The following HDAC9 variants were observed in gnomAD, a reference collection of about 807,000 sequenced individuals.
HDAC9 encodes MEF-2 interacting transcription repressor (MITR) protein.
A neutral mutation model predicts 139.4 loss-of-function variants in HDAC9; 41 were observed. The ratio of observed to expected loss-of-function variants is 0.29; its 90% CI spans 0.23 to 0.38. The LOEUF (loss-of-function observed/expected upper bound fraction) is 0.38. HDAC9 is among the 10% of genes least tolerant of loss of function. HDAC9 has a pLI of 1.00. For synonymous variants in HDAC9, 517 were observed against 476.2 expected (o/e 1.09, Z -1.12); for missense variants, 1,147 against 1,297.0 (o/e 0.88, Z 1.78).
intron 23 of HDAC9, among the ~76,000 whole-genome samples, chr7:18,944,100 C>G (rs1782207059): frequency 6.6e-6 from 1 of 152,156 alleles, no homozygotes; most frequent in Non-Finnish European, 1.5e-5. Context: ...ACATACACAA[C>G]TAATTGCAGA....
chr7:18,443,910 T>C (rs946230084), intron 1 of HDAC9, among the ~76,000 whole-genome samples: 1 of 151,760 alleles, frequency 6.6e-6, no homozygotes, highest in African/African-American at 2.4e-5. Flanking sequence ...TGTATAAACA[T>C]ACATTTGTAT....
At chr7:18,478,850 T>C (rs369065844) in intron 1 of HDAC9, among the ~76,000 whole-genome samples, 2 of 152,178 alleles carry the variant, frequency 1.3e-5, no homozygotes, top group South Asian at 4.1e-4. Flanking sequence ...TGGTGTCTCA[T>C]TTTGGCTTAA....
At chr7:18,787,792 C>A (rs1198536627) in intron 16 of HDAC9, among the ~76,000 whole-genome samples, 1 of 152,126 alleles carries the variant, frequency 6.6e-6, no homozygotes, top group Non-Finnish European at 1.5e-5. Context: ...TCCCATGCTC[C>A]CTCAGATGTG....
chr7:18,937,438 T>C (rs1781723554), intron 23 of HDAC9, among the ~76,000 whole-genome samples: 1 of 152,150 alleles, frequency 6.6e-6, no homozygotes, highest in African/African-American at 2.4e-5. Flanking sequence ...CAATTCAACG[T>C]GTGTAAAATT....
chr7:18,659,964 C>A (rs1269027774), intron 11 of HDAC9, among the ~76,000 whole-genome samples: 7 of 152,168 alleles, frequency 4.6e-5, no homozygotes, highest in Non-Finnish European at 1.0e-4. Flanking sequence ...TCTGGGGCCA[C>A]TCAGTGACAG....
intron 1 of HDAC9, among the ~76,000 whole-genome samples, chr7:18,416,096 C>T (rs757193453): frequency 6.6e-6 from 1 of 152,086 alleles, no homozygotes. Context: ...GAGTTTGAGA[C>T]CAGCCTGACC....
At position 18,816,841 on chromosome 7, in the gene HDAC9, C is replaced by T. The variant is rs188043473; in HGVS notation, c.2323-12320C>T. On this transcript the variant is annotated intron_variant, in intron 17 of 25. Transcript: ENST00000686413. The stretch of plus-strand genomic sequence containing the variant: ...CTTTAGATAAAACAAAATGGAATCC[C>T]ATATCACTATGTTAAGTGTAATCAA... Among the ~76,000 whole-genome samples, 32 of 152,244 alleles carry T rather than the reference C, an allele frequency of 2.1e-4. 1 individual carries two copies. The highest frequency in any genetic ancestry group is 1.3e-3 in the Admixed American group (20 of 15,290).
In HDAC9 at chr7:18,999,536, A is replaced by G. The variant is rs1218922548; in HGVS notation, c.*3474A>G. On this transcript the variant is annotated 3_prime_UTR_variant, in exon 26 of 26. Coordinates refer to ENST00000686413, the MANE Select transcript of HDAC9 (RefSeq NM_178425.4). ...CAATGGCGCAATCTCGACTCACTGCAACCTCCGCCTCCCGGGTTCAAGCAA... is the reference window on the plus strand; with the variant it reads ...CAATGGCGCAATCTCGACTCACTGCGACCTCCGCCTCCCGGGTTCAAGCAA... 1.3e-5 allele frequency: 2 copies of G among 152,250 alleles called. No individual in the cohort carries two copies. Among genetic ancestry groups the G allele is most frequent in the Admixed American group, 1.3e-4 (2 of 15,276 alleles). The allele number at this position is 152,250 out of a possible 1,614,324, so 9.4% of individuals were successfully genotyped here. A position where few individuals can be genotyped will look rare whatever the true frequency, so the allele number is the denominator to read the frequency against.
intron 2 of HDAC9, among the ~76,000 whole-genome samples, chr7:18,280,887 A>G (rs1355469186): frequency 1.3e-5 from 2 of 152,224 alleles, no homozygotes; most frequent in Non-Finnish European, 2.9e-5. Context: ...ATTTATCATG[A>G]GCACATCAAC....
chr7:18,302,431 C>CA (rs1041826252), intron 1 of HDAC9, among the ~76,000 whole-genome samples: 1 of 152,088 alleles, frequency 6.6e-6, no homozygotes, highest in Non-Finnish European at 1.5e-5. Context: ...GTTGAGGTGT[C>CA]AAAGAAGGGC....
At chr7:18,249,515 AAAAAAAAAC>A in intron 2 of HDAC9, among the ~76,000 whole-genome samples, 2 of 148,548 alleles carry the variant, frequency 1.3e-5, no homozygotes, top group Non-Finnish European at 1.5e-5. Flanking sequence ...AAAAAAAAAA[AAAAAAAAAC>A]AAAAAAAAAA....
chr7:18,530,998 A>G (rs538805594), intron 2 of HDAC9, among the ~76,000 whole-genome samples: 65 of 151,960 alleles, frequency 4.3e-4, no homozygotes, highest in African/African-American at 1.3e-3. Context: ...CATTTTAACA[A>G]TTTTTTACTC....
At chr7:18,634,583 G>A (rs367985695) in intron 7 of HDAC9, 44 bp from the exon 8 acceptor site, 21 of 1,200,810 alleles carry the variant, frequency 1.7e-5, no homozygotes, top group South Asian at 2.6e-5. Context: ...GTTCATCTAT[G>A]TATGTTCCTC....
intron 2 of HDAC9, among the ~76,000 whole-genome samples, chr7:18,256,506 G>C (rs890785470): frequency 4.6e-5 from 7 of 152,160 alleles, no homozygotes; most frequent in Non-Finnish European, 8.8e-5. Flanking sequence ...AGCCAATGAA[G>C]AGCCTTTTCT....
At chr7:18,820,695 A>G (rs909191480) in intron 17 of HDAC9, among the ~76,000 whole-genome samples, 2 of 152,200 alleles carry the variant, frequency 1.3e-5, no homozygotes, top group Admixed American at 6.5e-5. Context: ...ACTGGCCACT[A>G]TATGTCAGAT....
chr7:18,717,085 G>C (rs1784757380), intron 12 of HDAC9, among the ~76,000 whole-genome samples: 1 of 151,156 alleles, frequency 6.6e-6, no homozygotes, highest in Non-Finnish European at 1.5e-5. Flanking sequence ...ACGTGAGAAG[G>C]AGAGAGTGAC....
At chr7:18,413,706 A>G (rs920338360) in intron 1 of HDAC9, among the ~76,000 whole-genome samples, 6 of 152,156 alleles carry the variant, frequency 3.9e-5, no homozygotes, top group Non-Finnish European at 8.8e-5. Flanking sequence ...AAAAGGGTAT[A>G]TTGAAAAGGC....
intron 17 of HDAC9, among the ~76,000 whole-genome samples, chr7:18,817,758 CTG>C (rs1365660860): frequency 1.3e-5 from 2 of 152,176 alleles, no homozygotes; most frequent in African/African-American, 2.4e-5. Flanking sequence ...CGGAGAAAAA[CTG>C]TACTATCCCA....
chr7:18,533,242 A>C (rs144004954), intron 2 of HDAC9, among the ~76,000 whole-genome samples: 2 of 151,784 alleles, frequency 1.3e-5, no homozygotes, highest in Admixed American at 6.6e-5. Flanking sequence ...CTTCAACTCT[A>C]TTTTCTCCGG....
Sources: gnomAD v4.1 joint callset for allele counts (sites outside exome capture counted in the v4.1 genomes callset) on GRCh38, gnomAD v4.1.1 for gene constraint, MANE v1.5 for transcripts, NCBI Gene and HGNC (gene_info 2026-07-23, HGNC 2026-07-21) for gene names.